The following NVL variants were observed in gnomAD, a reference collection of about 807,000 sequenced individuals.
NVL encodes the protein nuclear VCP like.
A neutral mutation model predicts 110.2 loss-of-function variants in NVL; 84 were observed. The ratio of observed to expected loss-of-function variants is 0.76; its 90% confidence interval spans 0.64 to 0.91. The LOEUF is 0.91. NVL is among the 40% of genes least tolerant of loss of function. NVL has a pLI of 0.00. For synonymous variants in NVL, 354 were observed against 361.1 expected (o/e 0.98, Z 0.22); for missense variants, 882 against 1,035.9 (o/e 0.85, Z 2.04).
At chr1:224,249,730 G>A (rs1433945526) in intron 19 of NVL, among the ~76,000 whole-genome samples, 3 of 151,940 alleles carry the variant, frequency 2.0e-5, no homozygotes, top group Non-Finnish European at 4.4e-5. Flanking sequence ...GGGTGACAGA[G>A]CAAGACTCTG....
At chr1:224,254,563 G>GTTTTTT (rs71572893) in intron 18 of NVL, among the ~76,000 whole-genome samples, 5 of 36,702 alleles carry the variant, frequency 1.4e-4, no homozygotes, top group African/African-American at 2.6e-4. Flanking sequence ...CGGCTAATTT[G>GTTTTTT]TTTTTTTTGT....
chr1:224,309,181 GA>G (rs1669271899), intron 5 of NVL, among the ~76,000 whole-genome samples: 1 of 151,912 alleles, frequency 6.6e-6, no homozygotes, highest in African/African-American at 2.4e-5. Context: ...AAAGAAGTAT[GA>G]AAATGAGCTG....
chr1:224,284,586 C>T lies in NVL; in HGVS notation c.1899+1440G>A, dbSNP rs1666676757. Reference sequence around the variant, plus strand: ...GTAGAGACAGGGTTTTACCATGTTGCCCAAGCTGGTCTTGAAATCATGGCC... The same window carrying T: ...GTAGAGACAGGGTTTTACCATGTTGTCCAAGCTGGTCTTGAAATCATGGCC... On this transcript the variant is annotated intron_variant, in intron 15 of 22. Coordinates refer to ENST00000281701, the MANE Select transcript of NVL (RefSeq NM_002533.4). Among the ~76,000 whole-genome samples, 3 of 152,012 alleles carry T rather than the reference C, an allele frequency of 2.0e-5. No individual in the cohort carries two copies. The South Asian group carries it at 6.2e-4, about 31-fold the overall frequency.
chr1:224,228,471 A>T (rs1377654575), intron 22 of NVL, among the ~76,000 whole-genome samples: 1 of 150,872 alleles, frequency 6.6e-6, no homozygotes, highest in Non-Finnish European at 1.5e-5. Context: ...CGCCCGGCAA[A>T]TTTTTTGCAT....
chr1:224,262,231 T>C (rs767109291), intron 18 of NVL, among the ~76,000 whole-genome samples: 1 of 151,956 alleles, frequency 6.6e-6, no homozygotes, highest in South Asian at 2.1e-4. Context: ...GAGAATGACA[T>C]GGAACCTTTA....
rs571816677 is a variant in NVL at position 224,237,193 on chromosome 1, C to G, written c.2290-611G>C. On this transcript the variant is annotated intron_variant, in intron 19 of 22. Coordinates refer to ENST00000281701, the MANE Select transcript of NVL (RefSeq NM_002533.4). ...TTCCAAAGGTGAAGAAACACATTTC[C>G]TTTCCAGCTTAAACATGGCAAATAC... Among the ~76,000 whole-genome samples the G allele has an allele frequency of 1.4e-3, 213 of 152,188 alleles. 1 individual carries two copies. Among genetic ancestry groups the G allele is most frequent in the Non-Finnish European group, 1.9e-3 (131 of 68,030 alleles).
chr1:224,271,971 G>A (rs182165261), intron 17 of NVL, among the ~76,000 whole-genome samples: 8 of 151,062 alleles, frequency 5.3e-5, no homozygotes, highest in Non-Finnish European at 8.9e-5. Context: ...CCGAGATTGC[G>A]CCACTGCACT....
Position 224,254,572 on chromosome 1 carries a change from G to GTT in NVL, c.2183-4256_2183-4255dup, listed in dbSNP as rs71168400. Among the ~76,000 whole-genome samples, 748 of 134,086 alleles carry GTT rather than the reference G, an allele frequency of 5.6e-3. 6 individuals carry two copies. Among genetic ancestry groups the GTT allele is most frequent in the Middle Eastern group, 0.012 (3 of 258 alleles). 88.0% of individuals were successfully genotyped at this position (134,086 alleles called of 152,430 possible). A position where few individuals can be genotyped will look rare whatever the true frequency, so the allele number is the denominator to read the frequency against. On this transcript the variant is annotated intron_variant, in intron 18 of 22. Transcript: ENST00000281701. ...CATGCCCGGCTAATTTGTTTTTTTT[G>GTT]TTTTTTTTTTTTTTGTATTTTTAGT... is the stretch of plus-strand genomic sequence containing the variant.
At chr1:224,244,693 A>AT (rs1200382869) in intron 19 of NVL, among the ~76,000 whole-genome samples, 132 of 70,610 alleles carry the variant, frequency 1.9e-3, no homozygotes, top group East Asian at 0.018. Flanking sequence ...GCTGGTCTCC[A>AT]TTTTTTTTTT....
chr1:224,251,300 A>G (rs1662472571), intron 18 of NVL, among the ~76,000 whole-genome samples: 1 of 150,558 alleles, frequency 6.6e-6, no homozygotes, highest in Non-Finnish European at 1.5e-5. Context: ...AAAGCAATTA[A>G]CATGAGATGA....
intron 15 of NVL, among the ~76,000 whole-genome samples, chr1:224,284,320 G>C (rs1160664163): frequency 6.6e-6 from 1 of 151,340 alleles, no homozygotes; most frequent in Admixed American, 6.6e-5. Flanking sequence ...AATAGGAAAG[G>C]ATATGAATAG....
At chr1:224,240,141 C>T (rs1446372721) in intron 19 of NVL, among the ~76,000 whole-genome samples, 2 of 147,592 alleles carry the variant, frequency 1.4e-5, no homozygotes, top group African/African-American at 2.5e-5. Flanking sequence ...GATCTCAGCT[C>T]ACTGCAACCT....
intron 17 of NVL, among the ~76,000 whole-genome samples, chr1:224,270,539 C>A (rs753154583): frequency 2.0e-5 from 3 of 152,068 alleles, no homozygotes; most frequent in Non-Finnish European, 4.4e-5. Flanking sequence ...GCCTGGGCGA[C>A]GGAGTGAGAC....
chr1:224,235,171 T>G (rs1660322613), intron 20 of NVL, among the ~76,000 whole-genome samples: 1 of 151,984 alleles, frequency 6.6e-6, no homozygotes, highest in South Asian at 2.1e-4. Flanking sequence ...TTAATTTTAT[T>G]TATTTTTATT....
At chr1:224,292,908 G>A (rs1168609460) in intron 12 of NVL, among the ~76,000 whole-genome samples, 3 of 151,662 alleles carry the variant, frequency 2.0e-5, no homozygotes, top group East Asian at 1.9e-4. Context: ...GCACCATCAC[G>A]CCCGGCTAAT....
At chr1:224,302,828 C>T (rs1668551705) in intron 9 of NVL, 1 of 203,226 alleles carries the variant, frequency 4.9e-6, no homozygotes. Context: ...GACAGGAGGA[C>T]TGCTTGAGGC....
chr1:224,301,562 C>T lies in NVL; in HGVS notation c.961-899G>A, dbSNP rs185387685. 312 of 185,604 alleles carry T rather than the reference C, an allele frequency of 1.7e-3. 1 individual carries two copies. The highest frequency in any genetic ancestry group is 5.9e-3 in the African/African-American group (245 of 41,724). The allele number at this position is 185,604 out of a possible 1,614,324, so 11.5% of individuals were successfully genotyped here. ...TCTTTAAGAAGAGGCCAGGTGTGGA[C>T]GCCCATGCCTGTAATCCCAGCACTT... On this transcript the variant is annotated intron_variant, in intron 9 of 22. Coordinates refer to ENST00000281701, the MANE Select transcript of NVL (RefSeq NM_002533.4).
chr1:224,281,779 C>T (rs1342627266), intron 15 of NVL, among the ~76,000 whole-genome samples: 3 of 150,470 alleles, frequency 2.0e-5, no homozygotes, highest in African/African-American at 4.9e-5. Flanking sequence ...ATGGTGAAAC[C>T]CCATCTCTAC....
intron 13 of NVL, among the ~76,000 whole-genome samples, chr1:224,288,856 C>T (rs1667108761): frequency 6.6e-6 from 1 of 152,096 alleles, no homozygotes; most frequent in African/African-American, 2.4e-5. Flanking sequence ...ATTTTCATGA[C>T]TCATAAAACT....
Sources: allele counts gnomAD v4.1 joint callset (sites outside exome capture counted in the v4.1 genomes callset), GRCh38; gene constraint gnomAD v4.1.1; transcripts MANE v1.5; gene names NCBI Gene and HGNC (gene_info 2026-07-23, HGNC 2026-07-21).